The following LINGO2 variants were observed in gnomAD, a reference collection of about 807,000 sequenced individuals.
The protein encoded by LINGO2 is leucine rich repeat and Ig domain containing 2, also known as leucine-rich repeat and immunoglobulin-like domain-containing nogo receptor-interacting protein 2.
A neutral mutation model predicts 30.6 loss-of-function variants in LINGO2; 14 were observed. The ratio of observed to expected loss-of-function variants is 0.46; its 90% CI spans 0.30 to 0.72. The LOEUF (loss-of-function observed/expected upper bound fraction) is 0.72. LINGO2 is among the 30% of genes least tolerant of loss of function. The probability of loss-of-function intolerance (pLI) is 0.07; values close to 1 mark genes in which losing one functional copy is unlikely to be tolerated. For missense variants in LINGO2, 729 were observed against 751.7 expected (o/e 0.97, Z 0.35); for synonymous variants, 317 against 288.5 (o/e 1.10, Z -1.00).
rs560124665 is a variant in LINGO2 at position 28,545,865 on chromosome 9, A to G, written c.-364-69840T>C. Among the ~76,000 whole-genome samples the G allele has an allele frequency of 2.6e-5, 4 of 152,224 alleles. No homozygotes were observed. The South Asian group carries it at 6.2e-4, about 24-fold the overall frequency. ...GAAGATAAATAACTTCCTCAATGTC[A>G]TAAGGTAGAAAGTGGGTGAGTAAAC... On this transcript the variant is annotated intron_variant, in intron 1 of 5. Coordinates refer to ENST00000379992, the Ensembl canonical transcript of LINGO2.
chr9:28,864,568 C>T, the LINGO2 span, among the ~76,000 whole-genome samples: 1 of 152,048 alleles, frequency 6.6e-6, no homozygotes, highest in Non-Finnish European at 1.5e-5. Flanking sequence ...TCAAGTAATT[C>T]ATGCTTTTGA....
intron 5 of LINGO2, among the ~76,000 whole-genome samples, chr9:27,956,862 G>T (rs1170002165): frequency 6.6e-6 from 1 of 152,132 alleles, no homozygotes; most frequent in Non-Finnish European, 1.5e-5. Context: ...GAAGGTTGAG[G>T]TGGGAGGATT....
the LINGO2 span, among the ~76,000 whole-genome samples, chr9:29,127,879 T>A: frequency 6.6e-6 from 1 of 152,150 alleles, no homozygotes; most frequent in Non-Finnish European, 1.5e-5. Context: ...TCTTTTCTTA[T>A]GCTAAATTAT....
At chr9:28,249,958 A>G (rs1822136129) in intron 4 of LINGO2, among the ~76,000 whole-genome samples, 1 of 152,220 alleles carries the variant, frequency 6.6e-6, no homozygotes, top group Admixed American at 6.6e-5. Flanking sequence ...ATATTCAGAT[A>G]GAAGGGGCAG....
chr9:29,158,734 G>A, the LINGO2 span, among the ~76,000 whole-genome samples: 3 of 152,054 alleles, frequency 2.0e-5, no homozygotes, highest in African/African-American at 2.4e-5. Context: ...GTCTGTGTGT[G>A]CAAGTGTGTG....
chr9:28,693,354 T>G, the LINGO2 span, among the ~76,000 whole-genome samples: 1 of 152,152 alleles, frequency 6.6e-6, no homozygotes, highest in African/African-American at 2.4e-5. Flanking sequence ...TAACTGATAC[T>G]TCATTCATTC....
At position 28,177,461 on chromosome 9, in the gene LINGO2, G is replaced by T. The variant is rs144833699; in HGVS notation, c.-87+117747C>A. On this transcript the variant is annotated intron_variant, in intron 4 of 5. Transcript: ENST00000379992. ...GGAACTTCTGAGTTCATAGATACAT[G>T]TGCAAATCTGCAATCCACCACTAAC... 5.0e-3 allele frequency among the ~76,000 whole-genome samples: 755 copies of T among 152,242 alleles called. 8 individuals carry two copies. Among genetic ancestry groups the T allele is most frequent in the African/African-American group, 0.017 (721 of 41,546 alleles).
chr9:28,983,318 C>CAAAAAAAAAAAAAAAA, the LINGO2 span, among the ~76,000 whole-genome samples: 4 of 130,980 alleles, frequency 3.1e-5, no homozygotes, highest in Non-Finnish European at 1.6e-5. Context: ...ATGAGGTATC[C>CAAAAAAAAAAAAAAAA]AAAAAAAAAA....
chr9:28,525,699 G>T (rs185386311), intron 1 of LINGO2, among the ~76,000 whole-genome samples: 1 of 152,090 alleles, frequency 6.6e-6, no homozygotes, highest in African/African-American at 2.4e-5. Context: ...TTTTGAGATG[G>T]TGACATTTTC....
chr9:28,146,402 TA>T (rs1260588696), intron 4 of LINGO2, among the ~76,000 whole-genome samples: 12 of 152,182 alleles, frequency 7.9e-5, no homozygotes, highest in African/African-American at 2.9e-4. Context: ...CTAGTTAGAC[TA>T]ATCTAGCAAA....
chr9:27,969,695 T>G (rs1820264674), intron 5 of LINGO2, among the ~76,000 whole-genome samples: 1 of 151,824 alleles, frequency 6.6e-6, no homozygotes, highest in Non-Finnish European at 1.5e-5. Context: ...TCCTAGTTAC[T>G]CTAGTAAAAC....
intron 1 of LINGO2, among the ~76,000 whole-genome samples, chr9:28,594,160 T>C (rs1287709465): frequency 6.6e-6 from 1 of 152,084 alleles, no homozygotes; most frequent in Non-Finnish European, 1.5e-5. Context: ...TTTCATAGTC[T>C]AAACTACATA....
chr9:28,361,289 C>T (rs1820431709), intron 3 of LINGO2, among the ~76,000 whole-genome samples: 1 of 152,050 alleles, frequency 6.6e-6, no homozygotes, highest in Admixed American at 6.6e-5. Flanking sequence ...TATTGTTGTT[C>T]ATCTTACTTG....
At chr9:28,154,337 A>G (rs149875815) in intron 4 of LINGO2, among the ~76,000 whole-genome samples, 58 of 152,120 alleles carry the variant, frequency 3.8e-4, no homozygotes, top group Middle Eastern at 3.4e-3. Flanking sequence ...AATAAAGTTC[A>G]CCCCCTTCTC....
intron 1 of LINGO2, among the ~76,000 whole-genome samples, chr9:28,505,351 C>A (rs1221567764): frequency 1.3e-5 from 2 of 151,826 alleles, no homozygotes; most frequent in African/African-American, 4.8e-5. Flanking sequence ...CATCTCCTAA[C>A]TTGTACTTCA....
At chr9:28,232,885 A>G (rs1237034630) in intron 4 of LINGO2, among the ~76,000 whole-genome samples, 1 of 151,354 alleles carries the variant, frequency 6.6e-6, no homozygotes, top group Non-Finnish European at 1.5e-5. Flanking sequence ...TGTCAACTCC[A>G]TTGCTGTGAA....
chr9:27,950,383 C>T, exon 6 of LINGO2: 1 of 1,614,150 alleles, frequency 6.2e-7, no homozygotes, highest in Non-Finnish European at 8.5e-7. Context: ...GCTCCTGGTT[C>T]CACATTGGCA....
intron 2 of LINGO2, among the ~76,000 whole-genome samples, chr9:28,404,982 A>C (rs1822438472): frequency 6.6e-6 from 1 of 151,760 alleles, no homozygotes; most frequent in South Asian, 2.1e-4. Flanking sequence ...TTGACTGAGG[A>C]ATTTCATTTG....
In LINGO2 at chr9:28,380,236, T is replaced by C. The variant is rs1435930008; in HGVS notation, c.-278-7368A>G. Among the ~76,000 whole-genome samples the C allele has an allele frequency of 2.6e-5, 4 of 151,974 alleles. No homozygotes were observed. In the East Asian group the frequency reaches 7.7e-4, roughly 29 times the overall value. On this transcript the variant is annotated intron_variant, in intron 2 of 5. Coordinates refer to ENST00000379992, the Ensembl canonical transcript of LINGO2. ...ATAAACAGGTTTCAAACATATACAA[T>C]GTGTCTAAAATGTACCTGGCAACAT...
Sources: allele counts gnomAD v4.1 joint callset (sites outside exome capture counted in the v4.1 genomes callset), GRCh38; gene constraint gnomAD v4.1.1; transcripts MANE v1.5; gene names NCBI Gene and HGNC (gene_info 2026-07-23, HGNC 2026-07-21).